MAGI2: variants seen among roughly 807,000 people sequenced by gnomAD.
MAGI2 encodes membrane-associated guanylate kinase, WW and PDZ domain-containing protein 2.
Under a neutral mutation model 133.3 loss-of-function variants are expected in MAGI2, and 35 were observed. The observed-to-expected ratio is 0.26, with a 90% CI of 0.20 to 0.35. The LOEUF (loss-of-function observed/expected upper bound fraction) is 0.35, where lower values mean the gene tolerates loss of function less well. Among genes scored for constraint, MAGI2 ranks in the 10% least tolerant of loss-of-function variants. The pLI is 1.00. For synonymous variants in MAGI2, 729 were observed against 710.6 expected, an observed-to-expected ratio of 1.03 and a Z score of -0.41; for missense variants, 1,636 against 1,863.4, an observed-to-expected ratio of 0.88 and a Z score of 2.25.
intron 1 of MAGI2, among the ~76,000 whole-genome samples, chr7:79,445,532 T>C (rs974227526): frequency 3.3e-5 from 5 of 152,096 alleles, no homozygotes; most frequent in African/African-American, 1.2e-4. Context: ...TCTCAAAAGA[T>C]GACATTTATG....
chr7:78,457,503 T>C (rs1789445941), intron 6 of MAGI2, among the ~76,000 whole-genome samples: 1 of 152,186 alleles, frequency 6.6e-6, no homozygotes, highest in Non-Finnish European at 1.5e-5. Context: ...TAAGGTCTAC[T>C]GAGGTCCTTC....
At chr7:78,290,145 A>AAG (rs995789057) in intron 9 of MAGI2, among the ~76,000 whole-genome samples, 6 of 152,204 alleles carry the variant, frequency 3.9e-5, no homozygotes, top group African/African-American at 1.4e-4. Flanking sequence ...CCCCAATTAA[A>AAG]AGACAGACTG....
intron 2 of MAGI2, among the ~76,000 whole-genome samples, chr7:78,860,504 G>A (rs1051661702): frequency 6.6e-6 from 1 of 152,192 alleles, no homozygotes; most frequent in African/African-American, 2.4e-5. Context: ...GTTTGCTGGA[G>A]GTTCACTCCA....
intron 6 of MAGI2, among the ~76,000 whole-genome samples, chr7:78,410,929 T>C (rs1007212240): frequency 1.3e-5 from 2 of 151,976 alleles, no homozygotes; most frequent in African/African-American, 4.8e-5. Context: ...TGTATTGTCA[T>C]TAGCATATTG....
At chr7:78,207,168 T>C (rs1371563569) in intron 10 of MAGI2, among the ~76,000 whole-genome samples, 2 of 152,164 alleles carry the variant, frequency 1.3e-5, no homozygotes, top group African/African-American at 4.8e-5. Flanking sequence ...GTCCCTGTGA[T>C]GCCCTGCTGG....
intron 2 of MAGI2, among the ~76,000 whole-genome samples, chr7:78,882,419 C>A (rs1795950923): frequency 6.6e-6 from 1 of 152,008 alleles, no homozygotes; most frequent in Non-Finnish European, 1.5e-5. Flanking sequence ...TGATTCACAG[C>A]TGAATTCTAC....
At chr7:78,249,666 A>G (rs942413589) in intron 10 of MAGI2, among the ~76,000 whole-genome samples, 1 of 152,112 alleles carries the variant, frequency 6.6e-6, no homozygotes, top group South Asian at 2.1e-4. Flanking sequence ...CATCTCATAG[A>G]AATAGAGAAT....
intron 9 of MAGI2, among the ~76,000 whole-genome samples, chr7:78,298,336 A>AAAACT (rs1797499446): frequency 6.6e-6 from 1 of 152,242 alleles, no homozygotes; most frequent in African/African-American, 2.4e-5. Flanking sequence ...ACATTAAGTA[A>AAAACT]AAACTAAGGA....
chr7:78,870,223 A>G (rs905916116), intron 2 of MAGI2, among the ~76,000 whole-genome samples: 2 of 151,820 alleles, frequency 1.3e-5, no homozygotes, highest in African/African-American at 2.4e-5. Context: ...GGTGGCATGG[A>G]CCTGTCCCAG....
At chr7:78,456,849 A>G (rs1669893074) in intron 6 of MAGI2, 1 of 152,226 alleles carries the variant, frequency 6.6e-6, no homozygotes, top group Non-Finnish European at 1.5e-5. Flanking sequence ...GTTAAATACT[A>G]GGATGGGTCA....
At chr7:78,508,548 G>T (rs528272300) in intron 4 of MAGI2, among the ~76,000 whole-genome samples, 2 of 152,108 alleles carry the variant, frequency 1.3e-5, no homozygotes, top group Non-Finnish European at 2.9e-5. Flanking sequence ...AGCAAACTTC[G>T]TAATAATGGG....
chr7:78,253,331 GAA>G (rs1792623737), intron 10 of MAGI2: 1 of 152,138 alleles, frequency 6.6e-6, no homozygotes, highest in Non-Finnish European at 1.5e-5. Flanking sequence ...TTCCATTTAT[GAA>G]AAAATTATAG....
At chr7:78,032,416 T>C (rs1050987721) in intron 21 of MAGI2, among the ~76,000 whole-genome samples, 1 of 152,190 alleles carries the variant, frequency 6.6e-6, no homozygotes, top group Non-Finnish European at 1.5e-5. Flanking sequence ...GGTTTCGTCA[T>C]GTTGCCCAGG....
At chr7:79,276,304 A>T (rs1835224609) in intron 1 of MAGI2, among the ~76,000 whole-genome samples, 1 of 152,104 alleles carries the variant, frequency 6.6e-6, no homozygotes, top group African/African-American at 2.4e-5. Context: ...TCAGTATAGG[A>T]AGTCACTGCT....
intron 2 of MAGI2, among the ~76,000 whole-genome samples, chr7:79,004,107 C>T (rs1288437862): frequency 6.6e-6 from 1 of 152,022 alleles, no homozygotes; most frequent in Non-Finnish European, 1.5e-5. Context: ...GGGTATTGTT[C>T]CAAAGGAATA....
rs373700259 is a variant in MAGI2 at position 78,978,135 on chromosome 7, T to A, written c.418+28955A>T. ...TGGCAGGTTCTTTAACACTAAATGG[T>A]CTTACTATATAATTTGGCAATTGGA... On this transcript the variant is annotated intron_variant, in intron 2 of 21. Transcript: ENST00000354212. 6.0e-4 allele frequency among the ~76,000 whole-genome samples: 91 copies of A among 151,830 alleles called. 3 individuals carry two copies. The East Asian group carries it at 7.4e-3, about 12-fold the overall frequency.
chr7:78,644,637 T>G (rs922188994), intron 2 of MAGI2, among the ~76,000 whole-genome samples: 1 of 152,150 alleles, frequency 6.6e-6, no homozygotes, highest in South Asian at 2.1e-4. Context: ...ATTAGTGGGA[T>G]GTTGCTAAAG....
At chr7:78,243,288 T>C (rs891742137) in intron 10 of MAGI2, among the ~76,000 whole-genome samples, 1 of 144,204 alleles carries the variant, frequency 6.9e-6, no homozygotes, top group African/African-American at 2.6e-5. Context: ...CTCTCTCTCT[T>C]ATAAAACAAA....
rs924083272 is a variant in MAGI2 at position 78,036,654 on chromosome 7, C to T, written c.3707-16678G>A. On this transcript the variant is annotated intron_variant, in intron 21 of 21. Coordinates refer to ENST00000354212, the MANE Select transcript of MAGI2 (RefSeq NM_012301.4). ...TTTTTTTTAAGACAGGGTCTTGCTC[C>T]GTTGCCTAGGCTGGAGTACAGTAGT... is the stretch of plus-strand genomic sequence containing the variant. 5.3e-5 allele frequency among the ~76,000 whole-genome samples: 8 copies of T among 152,122 alleles called. 1 individual carries two copies. Among genetic ancestry groups the T allele is most frequent in the South Asian group, 4.1e-4 (2 of 4,820 alleles).
Sources: allele counts gnomAD v4.1 joint callset (sites outside exome capture counted in the v4.1 genomes callset), GRCh38; gene constraint gnomAD v4.1.1; transcripts MANE v1.5; gene names NCBI Gene and HGNC (gene_info 2026-07-23, HGNC 2026-07-21).